The following DTNA variants were observed in gnomAD, a reference collection of about 807,000 sequenced individuals.
DTNA encodes the protein dystrophin-related protein 3.
A neutral mutation model predicts 100.7 loss-of-function variants in DTNA; 43 were observed. The observed-to-expected ratio is 0.43, with a 90% confidence interval of 0.33 to 0.55. The LOEUF is 0.55. DTNA is among the 20% of genes least tolerant of loss of function. The probability of loss-of-function intolerance (pLI) is 0.04; values close to 1 mark genes in which losing one functional copy is unlikely to be tolerated. For missense variants in DTNA, 798 were observed against 953.9 expected (o/e 0.84, Z 2.15); for synonymous variants, 349 against 347.9 (o/e 1.00, Z -0.04).
intron 1 of DTNA, among the ~76,000 whole-genome samples, chr18:34,560,201 C>T (rs1334443097): frequency 6.6e-6 from 1 of 152,170 alleles, no homozygotes; most frequent in Non-Finnish European, 1.5e-5. Flanking sequence ...TGTTGATTTT[C>T]ATTTTAGATA....
intron 1 of DTNA, among the ~76,000 whole-genome samples, chr18:34,504,517 G>T (rs1361389510): frequency 6.6e-6 from 1 of 152,144 alleles, no homozygotes; most frequent in African/African-American, 2.4e-5. Flanking sequence ...TTGTGAGCAG[G>T]TCAGATCTGC....
At chr18:34,653,916 GTATATGTCTTCAGA>G (rs1227569249) in intron 1 of DTNA, among the ~76,000 whole-genome samples, 5 of 152,140 alleles carry the variant, frequency 3.3e-5, no homozygotes, top group Non-Finnish European at 5.9e-5. Context: ...TCACAATACA[GTATATGTCTTCAGA>G]TACATTGTCT....
intron 16 of DTNA, among the ~76,000 whole-genome samples, chr18:34,860,559 T>C (rs1369344041): frequency 1.3e-5 from 2 of 152,206 alleles, no homozygotes; most frequent in Admixed American, 1.3e-4. Context: ...TTTACCAAGT[T>C]CCTGTTGATT....
intron 1 of DTNA, among the ~76,000 whole-genome samples, chr18:34,690,016 G>A (rs1312654639): frequency 2.6e-5 from 4 of 152,204 alleles, no homozygotes; most frequent in African/African-American, 7.2e-5. Context: ...GAGAGTCACA[G>A]ATCGACTTCA....
chr18:34,811,407 T>G (rs1030084977), intron 5 of DTNA, among the ~76,000 whole-genome samples: 2 of 152,224 alleles, frequency 1.3e-5, no homozygotes, highest in Non-Finnish European at 2.9e-5. Context: ...CATAGAAAGT[T>G]TTCTTCTTCT....
chr18:34,717,956 G>A (rs1349946679), intron 1 of DTNA, among the ~76,000 whole-genome samples: 1 of 152,218 alleles, frequency 6.6e-6, no homozygotes, highest in Non-Finnish European at 1.5e-5. Flanking sequence ...AAGTATGAGG[G>A]AGGTTATGAG....
chr18:34,769,753 C>CTTTTTTTTT (rs1568462894), intron 3 of DTNA, among the ~76,000 whole-genome samples: 9 of 33,144 alleles, frequency 2.7e-4, no homozygotes, highest in South Asian at 1.2e-3. Flanking sequence ...CAGAGTTTCA[C>CTTTTTTTTT]TCTTTTTTCC....
chr18:34,526,958 A>G (rs901685866), intron 1 of DTNA, among the ~76,000 whole-genome samples: 10 of 152,232 alleles, frequency 6.6e-5, no homozygotes, highest in African/African-American at 2.4e-4. Context: ...GGGTTCCACT[A>G]CTAAGGAACA....
chr18:34,811,791 G>A (rs1406240047), intron 5 of DTNA, among the ~76,000 whole-genome samples, 168 bp from the exon 6 acceptor site: 1 of 151,992 alleles, frequency 6.6e-6, no homozygotes, highest in African/African-American at 2.4e-5. Context: ...AGAAACCAGA[G>A]AAAACATTAT....
chr18:34,794,326 A>C, intron 4 of DTNA, 76 bp downstream of exon 4: 3 of 1,535,736 alleles, frequency 2.0e-6, no homozygotes, highest in African/African-American at 1.4e-5. Context: ...CTTTTTCCCA[A>C]ACAATTTTAT....
At chr18:34,806,660 A>G (rs1568587854) in intron 5 of DTNA, among the ~76,000 whole-genome samples, 1 of 152,156 alleles carries the variant, frequency 6.6e-6, no homozygotes. Flanking sequence ...TCCCCTTTAA[A>G]TCTTCTAAAA....
At chr18:34,791,818 T>C (rs1021573442) in intron 3 of DTNA, among the ~76,000 whole-genome samples, 1 of 152,214 alleles carries the variant, frequency 6.6e-6, no homozygotes, top group South Asian at 2.1e-4. Context: ...GTCTGCTAGG[T>C]ACCAGGAACT....
At chr18:34,599,108 T>A (rs1476732331) in intron 1 of DTNA, among the ~76,000 whole-genome samples, 3 of 152,204 alleles carry the variant, frequency 2.0e-5, no homozygotes, top group Non-Finnish European at 4.4e-5. Flanking sequence ...GAGATTTAGA[T>A]AAATAAGAAA....
At chr18:34,662,979 T>G (rs2075398768) in intron 1 of DTNA, 1 of 152,120 alleles carries the variant, frequency 6.6e-6, no homozygotes, top group Non-Finnish European at 1.5e-5. Context: ...GCAAAAGTAA[T>G]GGTAAGTAAA....
intron 1 of DTNA, among the ~76,000 whole-genome samples, chr18:34,700,652 C>A (rs1363804724): frequency 2.0e-5 from 3 of 152,216 alleles, no homozygotes; most frequent in Non-Finnish European, 4.4e-5. Flanking sequence ...AACCACACAG[C>A]AGACCATGCT....
chr18:34,855,014 C>CGTGA (rs2096535956), intron 15 of DTNA, among the ~76,000 whole-genome samples: 1 of 152,134 alleles, frequency 6.6e-6, no homozygotes, highest in Non-Finnish European at 1.5e-5. Flanking sequence ...ACCCACTTCA[C>CGTGA]CATCATTGTG....
chr18:34,783,063 T>C (rs1045833146), intron 3 of DTNA, among the ~76,000 whole-genome samples: 6 of 152,232 alleles, frequency 3.9e-5, no homozygotes, highest in Admixed American at 6.5e-5. Flanking sequence ...AAGTGATTAA[T>C]ATTCTGAATA....
chr18:34,692,748 A>C (rs1162704189), intron 1 of DTNA, among the ~76,000 whole-genome samples: 3 of 152,230 alleles, frequency 2.0e-5, no homozygotes, highest in Non-Finnish European at 4.4e-5. Context: ...TGATGTGCAC[A>C]TAAGCCTGGA....
intron 1 of DTNA, among the ~76,000 whole-genome samples, chr18:34,675,122 A>G (rs1314414617): frequency 6.6e-6 from 1 of 152,168 alleles, no homozygotes; most frequent in Non-Finnish European, 1.5e-5. Flanking sequence ...CAACCTGGGT[A>G]CTATCAACAT....
Sources: allele counts gnomAD v4.1 joint callset (sites outside exome capture counted in the v4.1 genomes callset), GRCh38; gene constraint gnomAD v4.1.1; transcripts MANE v1.5; gene names NCBI Gene and HGNC (gene_info 2026-07-23, HGNC 2026-07-21).